Variants in WDFY2 observed in about 807,000 individuals in gnomAD.
WDFY2 encodes WD repeat and FYVE domain-containing protein 2.
A neutral mutation model predicts 56.4 loss-of-function variants in WDFY2; 36 were observed. That is an observed-to-expected ratio of 0.64 (90% confidence interval 0.49 to 0.84). The LOEUF (loss-of-function observed/expected upper bound fraction) is 0.84, where lower values mean the gene tolerates loss of function less well. Among genes scored for constraint, WDFY2 ranks in the 40% least tolerant of loss-of-function variants. WDFY2 has a pLI of 0.00. For missense variants in WDFY2, 444 were observed against 512.2 expected, an observed-to-expected ratio of 0.87 and a Z score of 1.29; for synonymous variants, 176 against 183.7, an observed-to-expected ratio of 0.96 and a Z score of 0.34.
At chr13:51,737,551 TAAAAAAAAAA>T (rs67418551) in intron 6 of WDFY2, among the ~76,000 whole-genome samples, 14 of 53,242 alleles carry the variant, frequency 2.6e-4, no homozygotes, top group African/African-American at 9.2e-4. Flanking sequence ...ACAATGAATT[TAAAAAAAAAA>T]AAAAAAAAAA....
At position 51,618,612 on chromosome 13, in the gene WDFY2, T is replaced by C. The variant is rs77046234; in HGVS notation, c.137+33788T>C. Among the ~76,000 whole-genome samples the C allele has an allele frequency of 5.0e-4, 76 of 152,376 alleles. No individual in the cohort carries two copies. The East Asian group carries it at 0.014, about 27-fold the overall frequency. On this transcript the variant is annotated intron_variant, in intron 1 of 11. Transcript: ENST00000298125. ...TAGTGAGTGTTAAAGGGTTTCCTAA[T>C]TTATAGAGTATAATGCAGCTTGCCT...
rs66771214 is a variant in WDFY2, at chr13:51,667,879, C to CTT, written c.205+7245_205+7246dup. Among the ~76,000 whole-genome samples, 103 of 50,042 alleles carry CTT rather than the reference C, an allele frequency of 2.1e-3. 22 individuals carry two copies. The highest frequency in any genetic ancestry group is 7.6e-3 in the African/African-American group (76 of 10,022). The allele number at this position is 50,042 out of a possible 152,430, so 32.8% of individuals were successfully genotyped here. On this transcript the variant is annotated intron_variant, in intron 2 of 11. Transcript: ENST00000298125. ...GAAGAAAAAGGTACCTGAGGAACTT[C>CTT]TTTTTTTTTTTTTTTTTTTTTTTTT...
At chr13:51,678,573 T>C (rs941607136) in intron 3 of WDFY2, among the ~76,000 whole-genome samples, 7 of 152,206 alleles carry the variant, frequency 4.6e-5, no homozygotes, top group Admixed American at 3.3e-4. Context: ...TGAGAGAAGT[T>C]AGTCAGATTG....
rs1264804310 is a variant in WDFY2, at chr13:51,766,236, A to C, written c.*6467A>C. The C allele has an allele frequency of 6.6e-6, 1 of 152,150 alleles. No homozygotes were observed. The allele number at this position is 152,150 out of a possible 1,614,324, so 9.4% of individuals were successfully genotyped here. On this transcript the variant is annotated 3_prime_UTR_variant, in exon 12 of 12. Transcript: ENST00000298125. ...CAAGGTGCTGTCATTTTGCAAAAGGAAATCTTTATATGAAATGTACAAAAA... is the reference window on the plus strand; with the variant it reads ...CAAGGTGCTGTCATTTTGCAAAAGGCAATCTTTATATGAAATGTACAAAAA...
chr13:51,658,509 C>T (rs1332840869), intron 1 of WDFY2, among the ~76,000 whole-genome samples: 3 of 152,156 alleles, frequency 2.0e-5, no homozygotes, highest in South Asian at 2.1e-4. Flanking sequence ...GGCTGCCTGC[C>T]GTAGGGATGG....
chr13:51,745,507 G>A (rs1953073790), intron 7 of WDFY2, among the ~76,000 whole-genome samples: 1 of 152,054 alleles, frequency 6.6e-6, no homozygotes, highest in Non-Finnish European at 1.5e-5. Flanking sequence ...TTTGTTTGCA[G>A]TAATATCAGT....
intron 2 of WDFY2, 118 bp downstream of exon 2, chr13:51,660,781 AC>A: frequency 1.2e-6 from 1 of 812,378 alleles, no homozygotes; most frequent in Non-Finnish European, 2.0e-6. Flanking sequence ...AATGAAAAGT[AC>A]CATATTAAAT....
At chr13:51,662,384 G>A (rs1955631400) in intron 2 of WDFY2, among the ~76,000 whole-genome samples, 1 of 152,144 alleles carries the variant, frequency 6.6e-6, no homozygotes, top group South Asian at 2.1e-4. Context: ...GCAAGTTGAA[G>A]TTGGCCTCAG....
Position 51,703,735 on chromosome 13 carries a change from T to C in WDFY2, c.334+85T>C, listed in dbSNP as rs74959054. ...CACTGCCACAAGAGAATACATACTT[T>C]ACAATCATCAGGGAAACAAAACAGA... On this transcript the variant is annotated intron_variant, in intron 4 of 11. Coordinates refer to ENST00000298125, the MANE Select transcript of WDFY2 (RefSeq NM_052950.4). 335 of 1,149,162 alleles carry C rather than the reference T, an allele frequency of 2.9e-4. 1 individual carries two copies. The African/African-American group carries it at 4.6e-3, about 16-fold the overall frequency. 71.2% of individuals were successfully genotyped at this position (1,149,162 alleles called of 1,614,324 possible). A position where few individuals can be genotyped will look rare whatever the true frequency, so the allele number is the denominator to read the frequency against.
intron 3 of WDFY2, among the ~76,000 whole-genome samples, chr13:51,695,911 G>T (rs985355169): frequency 2.0e-5 from 3 of 152,212 alleles, no homozygotes; most frequent in Non-Finnish European, 2.9e-5. Context: ...CCTTGCTGCC[G>T]CCTTGCAGTT....
At chr13:51,660,115 G>T (rs1171632268) in intron 1 of WDFY2, among the ~76,000 whole-genome samples, 1 of 152,084 alleles carries the variant, frequency 6.6e-6, no homozygotes, top group Non-Finnish European at 1.5e-5. Context: ...AAGGAATATA[G>T]AATCTTTAGA....
intron 2 of WDFY2, among the ~76,000 whole-genome samples, chr13:51,670,885 C>T (rs1955795968): frequency 6.6e-6 from 1 of 152,076 alleles, no homozygotes; most frequent in South Asian, 2.1e-4. Context: ...CCCACCTTTC[C>T]TCGAATCCCC....
At chr13:51,653,816 A>G (rs1299652228) in intron 1 of WDFY2, among the ~76,000 whole-genome samples, 6 of 152,232 alleles carry the variant, frequency 3.9e-5, no homozygotes, top group African/African-American at 1.4e-4. Context: ...GTCTGCCCCT[A>G]CTGGGGGGTG....
intron 1 of WDFY2, among the ~76,000 whole-genome samples, chr13:51,621,671 C>T (rs1954727751): frequency 1.3e-5 from 2 of 152,186 alleles, no homozygotes; most frequent in Admixed American, 6.5e-5. Flanking sequence ...GCGACTGCCT[C>T]ACCTCTCTGA....
At chr13:51,704,577 A>G (rs886393054) in intron 4 of WDFY2, among the ~76,000 whole-genome samples, 2 of 152,144 alleles carry the variant, frequency 1.3e-5, no homozygotes, top group South Asian at 2.1e-4. Context: ...ACACATGACA[A>G]TCTTTCAGTT....
chr13:51,710,147 A>T (rs1230086653), intron 4 of WDFY2, among the ~76,000 whole-genome samples: 18 of 152,200 alleles, frequency 1.2e-4, no homozygotes, highest in African/African-American at 4.1e-4. Flanking sequence ...GCAAATCAAT[A>T]AACGTAATCC....
At chr13:51,708,663 C>T (rs147103209) in intron 4 of WDFY2, among the ~76,000 whole-genome samples, 17 of 151,208 alleles carry the variant, frequency 1.1e-4, no homozygotes, top group Non-Finnish European at 2.1e-4. Flanking sequence ...TAGATGTAAA[C>T]CTCACAATGT....
rs573749669 is a variant in WDFY2 at position 51,621,742 on chromosome 13, T to C, written c.137+36918T>C. 1.4e-4 allele frequency among the ~76,000 whole-genome samples: 22 copies of C among 152,228 alleles called. No individual in the cohort carries two copies. In the South Asian group the frequency reaches 4.6e-3, roughly 32 times the overall value. Reference sequence around the variant, plus strand: ...TCGTCCTTTTGGGTTCCCTCAGGCCTAAATGGCAGTCAGCATCAGAAAAAA... The same window carrying C: ...TCGTCCTTTTGGGTTCCCTCAGGCCCAAATGGCAGTCAGCATCAGAAAAAA... On this transcript the variant is annotated intron_variant, in intron 1 of 11. Transcript: ENST00000298125.
chr13:51,662,826 T>C (rs1056431710), intron 2 of WDFY2, among the ~76,000 whole-genome samples: 1 of 152,220 alleles, frequency 6.6e-6, no homozygotes, highest in Non-Finnish European at 1.5e-5. Flanking sequence ...AAGAGGACCT[T>C]GTGATTATTT....
Sources: allele counts gnomAD v4.1 joint callset (sites outside exome capture counted in the v4.1 genomes callset), GRCh38; gene constraint gnomAD v4.1.1; transcripts MANE v1.5; gene names NCBI Gene and HGNC (gene_info 2026-07-23, HGNC 2026-07-21).